Variants in DPP10 observed in about 807,000 individuals in gnomAD.
The protein encoded by DPP10 is inactive dipeptidyl peptidase 10.
Under a neutral mutation model 120.9 loss-of-function variants are expected in DPP10, and 33 were observed. The ratio of observed to expected loss-of-function variants is 0.27; its 90% CI spans 0.21 to 0.37. The LOEUF is 0.37. Ranked by LOEUF, DPP10 falls within the 10% of genes least tolerant of loss-of-function variation. The pLI is 1.00. For synonymous variants in DPP10, 337 were observed against 326.1 expected (o/e 1.03, Z -0.36); for missense variants, 816 against 942.8 (o/e 0.87, Z 1.76).
intron 4 of DPP10, among the ~76,000 whole-genome samples, chr2:115,523,749 A>G (rs983797110): frequency 3.3e-5 from 5 of 152,292 alleles, no homozygotes; most frequent in African/African-American, 1.2e-4. Context: ...AATGAGAGAG[A>G]GAATTAGGTC....
At chr2:115,737,139 C>T (rs1288627713) in intron 8 of DPP10, among the ~76,000 whole-genome samples, 1 of 152,154 alleles carries the variant, frequency 6.6e-6, no homozygotes, top group Non-Finnish European at 1.5e-5. Flanking sequence ...GCAGACCTGC[C>T]ATAAACCAGG....
intron 1 of DPP10, among the ~76,000 whole-genome samples, chr2:115,051,956 T>C (rs1466775478): frequency 6.6e-6 from 1 of 152,204 alleles, no homozygotes; most frequent in African/African-American, 2.4e-5. Flanking sequence ...TATACAATTT[T>C]TGTCAGTTAT....
chr2:115,164,454 AG>A (rs2052677737), intron 1 of DPP10, among the ~76,000 whole-genome samples: 1 of 152,262 alleles, frequency 6.6e-6, no homozygotes, highest in African/African-American at 2.4e-5. Context: ...TTCATAAAAA[AG>A]ATTCATAAAT....
chr2:114,610,039 A>G (rs1693155229), intron 1 of DPP10, among the ~76,000 whole-genome samples: 1 of 152,158 alleles, frequency 6.6e-6, no homozygotes, highest in South Asian at 2.1e-4. Flanking sequence ...TATCTGTTTC[A>G]CGCTTGCCTC....
chr2:115,656,046 T>C (rs1362373148), intron 5 of DPP10, among the ~76,000 whole-genome samples: 3 of 151,492 alleles, frequency 2.0e-5, no homozygotes, highest in Non-Finnish European at 3.0e-5. Flanking sequence ...AAATATCTGA[T>C]GTGTAACATA....
At chr2:115,451,117 G>A (rs2073073345) in intron 3 of DPP10, among the ~76,000 whole-genome samples, 1 of 151,724 alleles carries the variant, frequency 6.6e-6, no homozygotes, top group South Asian at 2.1e-4. Flanking sequence ...TTCTTACTGT[G>A]TTGCTTGTAG....
At chr2:114,788,003 T>A (rs755691835) in intron 1 of DPP10, among the ~76,000 whole-genome samples, 18 of 152,206 alleles carry the variant, frequency 1.2e-4, no homozygotes, top group Admixed American at 5.9e-4. Flanking sequence ...GGAAATGACT[T>A]TTCTAATAAC....
intron 3 of DPP10, among the ~76,000 whole-genome samples, chr2:115,458,792 G>A (rs1325959100): frequency 6.6e-6 from 1 of 152,114 alleles, no homozygotes; most frequent in Non-Finnish European, 1.5e-5. Flanking sequence ...TGAATGTACA[G>A]TGTATGTGTC....
chr2:115,836,897 A>C (rs1268367331), intron 24 of DPP10, 151 bp downstream of exon 24: 1 of 653,894 alleles, frequency 1.5e-6, no homozygotes, highest in East Asian at 2.7e-5. Context: ...AGAAGGTGGG[A>C]AAAAAGAATT....
At chr2:114,902,801 C>T (rs1298884863) in intron 1 of DPP10, among the ~76,000 whole-genome samples, 1 of 152,038 alleles carries the variant, frequency 6.6e-6, no homozygotes, top group Non-Finnish European at 1.5e-5. Context: ...ATTGACATAC[C>T]ATTACTACCC....
rs185917826 is a variant in DPP10 at position 115,137,333 on chromosome 2, C to T, written c.61-171906C>T. On this transcript the variant is annotated intron_variant, in intron 1 of 25. Transcript: ENST00000410059. Reference sequence around the variant, plus strand: ...GCTCTAGCACATCCATCTGACTGAGCCATCTGGCAGTGAACCAGTGGTATC... The same window carrying T: ...GCTCTAGCACATCCATCTGACTGAGTCATCTGGCAGTGAACCAGTGGTATC... 2.0e-5 allele frequency among the ~76,000 whole-genome samples: 3 copies of T among 152,292 alleles called. No individual in the cohort carries two copies. The East Asian group carries it at 5.8e-4, about 29-fold the overall frequency.
chr2:115,382,307 A>G (rs973782279), intron 3 of DPP10, among the ~76,000 whole-genome samples: 16 of 151,952 alleles, frequency 1.1e-4, no homozygotes, highest in African/African-American at 3.1e-4. Context: ...TTAGGGTGGG[A>G]GTGACCTGAT....
At chr2:115,531,373 C>T (rs976294747) in intron 5 of DPP10, among the ~76,000 whole-genome samples, 3 of 151,978 alleles carry the variant, frequency 2.0e-5, no homozygotes, top group Non-Finnish European at 4.4e-5. Context: ...ACTGCAAGAG[C>T]GCTACCTAAG....
chr2:115,431,565 G>A (rs1294491815), intron 3 of DPP10, among the ~76,000 whole-genome samples: 1 of 152,118 alleles, frequency 6.6e-6, no homozygotes, highest in Non-Finnish European at 1.5e-5. Flanking sequence ...TGACAAAAAA[G>A]CACCACTCTT....
chr2:114,569,677 G>A (rs770834995), intron 1 of DPP10, among the ~76,000 whole-genome samples: 3 of 152,140 alleles, frequency 2.0e-5, no homozygotes, highest in African/African-American at 4.8e-5. Context: ...TTTAAGCTGC[G>A]TAATGAGGAA....
intron 5 of DPP10, among the ~76,000 whole-genome samples, chr2:115,543,995 A>G (rs2079337584): frequency 6.6e-6 from 1 of 151,918 alleles, no homozygotes; most frequent in African/African-American, 2.4e-5. Context: ...ACCTTAACAA[A>G]TTGAAAAGTC....
At chr2:114,547,365 G>C (rs1183509029) in intron 1 of DPP10, among the ~76,000 whole-genome samples, 1 of 152,158 alleles carries the variant, frequency 6.6e-6, no homozygotes, top group Non-Finnish European at 1.5e-5. Flanking sequence ...CATCGGGGTT[G>C]GCACCTGCTC....
intron 1 of DPP10, among the ~76,000 whole-genome samples, chr2:114,591,232 A>C (rs1196200092): frequency 6.6e-6 from 1 of 152,208 alleles, no homozygotes; most frequent in Non-Finnish European, 1.5e-5. Context: ...GAGGTGTGAG[A>C]CTTTCATCTT....
At chr2:114,726,431 T>A (rs2105925407) in intron 1 of DPP10, among the ~76,000 whole-genome samples, 1 of 152,294 alleles carries the variant, frequency 6.6e-6, no homozygotes, top group East Asian at 1.9e-4. Context: ...CGTTGTGGAA[T>A]GACACTTTTA....
Sources: gnomAD v4.1 joint callset for allele counts (sites outside exome capture counted in the v4.1 genomes callset) on GRCh38, gnomAD v4.1.1 for gene constraint, MANE v1.5 for transcripts, NCBI Gene and HGNC (gene_info 2026-07-23, HGNC 2026-07-21) for gene names.